The following TAF1 variants were observed in gnomAD, a reference collection of about 807,000 sequenced individuals.
TAF1 encodes transcription initiation factor TFIID subunit 1.
A neutral mutation model predicts 138.5 loss-of-function variants in TAF1; 2 were observed. The observed-to-expected ratio is 0.01, with a 90% confidence interval of 0.01 to 0.05. TAF1 has a LOEUF of 0.05. Among genes scored for constraint, TAF1 ranks in the 10% least tolerant of loss-of-function variants. The pLI is 1.00. For missense variants in TAF1, 709 were observed against 1,478.0 expected, an observed-to-expected ratio of 0.48 and a Z score of 8.53; for synonymous variants, 437 against 503.2, an observed-to-expected ratio of 0.87 and a Z score of 1.76.
At chrX:71,508,084 C>CTATA (rs1185059268) in intron 13 of TAF1, among the ~76,000 whole-genome samples, 14 of 94,763 alleles carry the variant, frequency 1.5e-4, no homozygotes, top group East Asian at 1.3e-3. Flanking sequence ...CTCTCTCTCT[C>CTATA]TCTATATATA....
chrX:71,409,472 G>A (rs4844148), intron 28 of TAF1, among the ~76,000 whole-genome samples: 6,089 of 111,518 alleles, frequency 0.055, 539 homozygotes, highest in Admixed American at 0.3. Flanking sequence ...GCTTCTGCAT[G>A]TAAAGGATAA....
At chrX:71,398,207 A>G (rs1023028044) in intron 23 of TAF1, among the ~76,000 whole-genome samples, 2 of 110,838 alleles carry the variant, frequency 1.8e-5, no homozygotes, top group Non-Finnish European at 3.8e-5. Flanking sequence ...GTGTGGTGGC[A>G]TGCACCTGTA....
chrX:71,424,131 G>T (rs376191649), intron 31 of TAF1, 23 bp from the exon 32 acceptor site: 2 of 1,202,803 alleles, frequency 1.7e-6, no homozygotes, highest in African/African-American at 3.5e-5. Flanking sequence ...GTGTATCTGA[G>T]TGCCTGATTC....
In TAF1 at chrX:71,436,398, G is replaced by A. The variant is rs192872761; in HGVS notation, c.4753+12160G>A. The stretch of plus-strand genomic sequence containing the variant: ...GCCCGGCTAATTTTTTATATTTTTA[G>A]TAGAGACGGGGTTTCACCATGTTAG... On this transcript the variant is annotated intron_variant, in intron 32 of 37. Coordinates refer to ENST00000423759, the MANE Select transcript of TAF1 (RefSeq NM_004606.5). 4.6e-3 allele frequency among the ~76,000 whole-genome samples: 505 copies of A among 108,673 alleles called. 1 individual carries two copies. Among genetic ancestry groups the A allele is most frequent in the Middle Eastern group, 9.3e-3 (2 of 214 alleles). 94.4% of individuals were successfully genotyped at this position (108,673 alleles called of 115,157 possible).
intron 32 of TAF1, among the ~76,000 whole-genome samples, chrX:71,447,827 T>C (rs1050300262): frequency 9.0e-6 from 1 of 111,553 alleles, no homozygotes; most frequent in Admixed American, 9.6e-5. Flanking sequence ...AGGAATTTTC[T>C]TGGTGGAATA....
intron 14 of TAF1, chrX:71,529,580 C>T: frequency 3.7e-6 from 1 of 270,672 alleles, no homozygotes; most frequent in South Asian, 3.8e-5. Flanking sequence ...TAAAGCCTCT[C>T]ATCTAAAGGC....
At chrX:71,428,453 T>TAA (rs762581747) in intron 32 of TAF1, among the ~76,000 whole-genome samples, 20 of 111,918 alleles carry the variant, frequency 1.8e-4, no homozygotes, top group African/African-American at 6.2e-4. Flanking sequence ...GCCCCACCAC[T>TAA]TAATAGCAAT....
At chrX:71,426,360 A>G (rs2036589827) in intron 32 of TAF1, among the ~76,000 whole-genome samples, 1 of 109,932 alleles carries the variant, frequency 9.1e-6, no homozygotes, top group Admixed American at 9.7e-5. Context: ...GGAGGAGAAA[A>G]TGTTCTAGGG....
At chrX:71,442,461 C>T (rs143618329) in intron 32 of TAF1, among the ~76,000 whole-genome samples, 1,768 of 112,304 alleles carry the variant, frequency 0.016, 15 homozygotes, top group Middle Eastern at 0.027. Context: ...GCATGAATTT[C>T]TTCTTTTGAA....
chrX:71,421,498 A>G, intron 29 of TAF1, 122 bp downstream of exon 29: 1 of 577,874 alleles, frequency 1.7e-6, no homozygotes, highest in Non-Finnish European at 2.8e-6. Context: ...GATCTTTAGT[A>G]TATGTGAAGG....
chrX:71,528,878 T>C (rs2040049820), intron 14 of TAF1, among the ~76,000 whole-genome samples: 1 of 111,559 alleles, frequency 9.0e-6, no homozygotes, highest in Non-Finnish European at 1.9e-5. Flanking sequence ...ATTTATTCCT[T>C]TATTTGTCCC....
At chrX:71,404,332 G>A (rs931939724) in intron 25 of TAF1, among the ~76,000 whole-genome samples, 1 of 109,891 alleles carries the variant, frequency 9.1e-6, no homozygotes, top group African/African-American at 3.3e-5. Context: ...ACCTAGAGTC[G>A]GCCATTTCTC....
intron 13 of TAF1, among the ~76,000 whole-genome samples, chrX:71,507,718 G>A (rs886179725): frequency 9.9e-5 from 11 of 110,855 alleles, no homozygotes; most frequent in Non-Finnish European, 2.1e-4. Flanking sequence ...GCCTCCCAAA[G>A]TGCTGGGATT....
intron 13 of TAF1, among the ~76,000 whole-genome samples, chrX:71,516,641 TA>T (rs35879951): frequency 0.031 from 2,552 of 83,578 alleles, 67 homozygotes; most frequent in African/African-American, 0.079. Context: ...GACCCCGTCT[TA>T]AAAAAAAAAA....
At chrX:71,377,938 A>G in intron 6 of TAF1, 117 bp downstream of exon 6, 1 of 879,845 alleles carries the variant, frequency 1.1e-6, no homozygotes, top group East Asian at 3.4e-5. Context: ...AATCTGTGCT[A>G]ATTTTCAATG....
chrX:71,404,337 T>G (rs2035340541), intron 25 of TAF1, among the ~76,000 whole-genome samples: 1 of 110,893 alleles, frequency 9.0e-6, no homozygotes, highest in African/African-American at 3.3e-5. Flanking sequence ...GAGTCGGCCA[T>G]TTCTCCAAAA....
intron 11 of TAF1, 52 bp downstream of exon 11, chrX:71,382,920 G>A (rs1256164178): frequency 1.4e-5 from 17 of 1,190,859 alleles, no homozygotes; most frequent in Non-Finnish European, 1.7e-5. Flanking sequence ...GCTTTGTTCT[G>A]ACGGAGGATA....
At chrX:71,411,557 A>G (rs981397555) in intron 28 of TAF1, among the ~76,000 whole-genome samples, 16 of 112,201 alleles carry the variant, frequency 1.4e-4, no homozygotes, top group African/African-American at 5.2e-4. Context: ...CTTAACCACC[A>G]TGCTCCATAT....
chrX:71,505,589 A>G (rs775490628), intron 13 of TAF1, among the ~76,000 whole-genome samples: 3 of 112,465 alleles, frequency 2.7e-5, no homozygotes, highest in Non-Finnish European at 3.8e-5. Context: ...ATTCCTGGCC[A>G]GTGCTCCTCA....
Sources: allele counts gnomAD v4.1 joint callset (sites outside exome capture counted in the v4.1 genomes callset), GRCh38; gene constraint gnomAD v4.1.1; transcripts MANE v1.5; gene names NCBI Gene and HGNC (gene_info 2026-07-23, HGNC 2026-07-21).